Variants in RHBG observed in about 807,000 individuals in gnomAD.
RHBG encodes the protein Rh family B glycoprotein, also known as ammonium transporter Rh type B.
In RHBG, 39 loss-of-function variants were observed where a neutral mutation model predicts 40.1. The ratio of observed to expected loss-of-function variants is 0.97; its 90% CI spans 0.75 to 1.27. The LOEUF is 1.27. Among genes scored for constraint, RHBG ranks in the 50% most tolerant of loss-of-function variants. The pLI is 0.00. For missense variants in RHBG, 549 were observed against 588.1 expected (o/e 0.93, Z 0.69); for synonymous variants, 237 against 252.5 (o/e 0.94, Z 0.58).
At chr1:156,371,515 C>A (rs539289677) in intron 1 of RHBG, 6 of 183,322 alleles carry the variant, frequency 3.3e-5, no homozygotes, top group Admixed American at 2.8e-4. Flanking sequence ...CCACCTCACC[C>A]TGTTCTAGAC....
chr1:156,382,219 C>T lies in RHBG; in HGVS notation c.1112+18C>T. 6.2e-7 allele frequency: 1 copy of T among 1,614,118 alleles called. No homozygotes were observed. Among genetic ancestry groups the T allele is most frequent in the Non-Finnish European group, 8.5e-7 (1 of 1,180,014 alleles). On this transcript the variant is annotated intron_variant, in intron 7 of 9. Coordinates refer to ENST00000537040, the MANE Select transcript of RHBG (RefSeq NM_020407.5). ...GGAGATGGGTGAGTTTCCTCCCAAC[C>T]CGTACTGCAGTCGTCATCCATCTGG...
rs1298817576 is a variant in RHBG, at chr1:156,369,423, C to T, written c.174C>T (p.Tyr58=). 2 of 1,612,336 alleles carry T rather than the reference C, an allele frequency of 1.2e-6. No homozygotes were observed. Among genetic ancestry groups the T allele is most frequent in the Non-Finnish European group, 1.7e-6 (2 of 1,179,226 alleles). The change falls in exon 1 of 10, where the codon TAC becomes TAT. Residue 58 remains tyrosine (Y), a synonymous_variant. Coordinates refer to ENST00000537040, the MANE Select transcript of RHBG (RefSeq NM_020407.5). ...SNHSNADNEF[Y]FRYPSFQDVH... is the part of the protein sequence containing the mutation. ...ACAGTAACGCGGACAATGAATTTTA[C>T]TTTCGCTACCCAAGTGAGTGCGGGG...
At position 156,377,201 on chromosome 1, in the gene RHBG, T is replaced by G; in HGVS notation, c.188-100T>G. 1 of 1,345,554 alleles carries G rather than the reference T, an allele frequency of 7.4e-7. No homozygotes were observed. The highest frequency in any genetic ancestry group is 1.3e-5 in the South Asian group (1 of 76,822). The allele number at this position is 1,345,554 out of a possible 1,614,324, so 83.4% of individuals were successfully genotyped here. ...TTATAGGCTCGGCTCAAGGCAGCCC[T>G]GGCTGGTGAGAGCCAGGGGCACTGG... On this transcript the variant is annotated intron_variant, in intron 1 of 9. Coordinates refer to ENST00000537040, the MANE Select transcript of RHBG (RefSeq NM_020407.5). The surrounding 1 kb of genome is among the most constrained non-coding windows in gnomAD (Gnocchi z 4.6).
intron 4 of RHBG, among the ~76,000 whole-genome samples, chr1:156,379,769 C>A (rs1667488508): frequency 6.6e-6 from 1 of 152,200 alleles, no homozygotes; most frequent in Admixed American, 6.5e-5. Flanking sequence ...ACAGACTACT[C>A]AGGACACGGT....
At chr1:156,381,317 TCTCA>T (rs761878811) in intron 4 of RHBG, 26 bp from the exon 5 acceptor site, 11 of 1,612,666 alleles carry the variant, frequency 6.8e-6, no homozygotes, top group African/African-American at 1.3e-5. Context: ...ACTTCCTTCT[TCTCA>T]CTCTGCCTGT....
intron 1 of RHBG, among the ~76,000 whole-genome samples, chr1:156,373,621 G>A (rs1666997605): frequency 6.6e-6 from 1 of 152,174 alleles, no homozygotes; most frequent in South Asian, 2.1e-4. Context: ...CAGAGAAGGA[G>A]ATTTCTTGAT....
At position 156,382,764 on chromosome 1, in the gene RHBG, C is replaced by G. The variant is rs1314931889; in HGVS notation, c.1129C>G (p.Pro377Ala). The stretch of plus-strand genomic sequence containing the variant: ...TCCCTGCAGCCTGGAGAGTGTGTTT[C>G]CACTCATAGCCGAGGGCCAGCGCAG... The part of the protein sequence containing the change: ...AYGDGLESVF[P>A]LIAEGQRSAT... Residue 377 changes from proline (P) to alanine (A), a missense_variant, in exon 8 of 10, where the codon CCA becomes GCA. Pro to Ala is a conservative substitution (Grantham distance 27). Coordinates refer to ENST00000537040, the MANE Select transcript of RHBG (RefSeq NM_020407.5). 1 of 1,614,182 alleles carries G rather than the reference C, an allele frequency of 6.2e-7. No homozygotes were observed. Among genetic ancestry groups the G allele is most frequent in the East Asian group, 2.2e-5 (1 of 44,868 alleles).
At chr1:156,381,746 G>A in intron 5 of RHBG, 60 bp from the exon 6 acceptor site, 1 of 1,543,266 alleles carries the variant, frequency 6.5e-7, no homozygotes, top group Non-Finnish European at 8.7e-7. Context: ...GGTGTGTAGG[G>A]TTGGGTTGCT....
At chr1:156,373,213 G>A (rs964591395) in intron 1 of RHBG, among the ~76,000 whole-genome samples, 2 of 152,134 alleles carry the variant, frequency 1.3e-5, no homozygotes, top group African/African-American at 4.8e-5. Flanking sequence ...CTTGAAGCCA[G>A]GAGTTTGAGG....
intron 1 of RHBG, among the ~76,000 whole-genome samples, chr1:156,372,961 T>C (rs1364413036): frequency 6.6e-6 from 1 of 152,148 alleles, no homozygotes; most frequent in Non-Finnish European, 1.5e-5. Context: ...CCGGCCAGAC[T>C]TAGAATTTAA....
At position 156,384,817 on chromosome 1, in the gene RHBG, G is replaced by A. The variant is rs1454014552; in HGVS notation, c.1349G>A (p.Arg450Lys). The part of the protein sequence containing the change: ...EHEDKAQRPL[R>K]VEEADTQA Reference sequence around the variant, plus strand: ...GAGGATAAAGCCCAGAGACCTCTGAGGGTGGAGGAGGCAGACACTCAGGCC... The same window carrying A: ...GAGGATAAAGCCCAGAGACCTCTGAAGGTGGAGGAGGCAGACACTCAGGCC... The change falls in exon 10 of 10, where the codon AGG becomes AAG. Residue 450 changes from arginine (R) to lysine (K), a missense_variant. By Grantham distance (26) the Arg-to-Lys change is conservative. Transcript: ENST00000537040. 1 of 1,613,576 alleles carries A rather than the reference G, an allele frequency of 6.2e-7. No homozygotes were observed. The highest frequency in any genetic ancestry group is 2.2e-5 in the East Asian group (1 of 44,884).
At position 156,384,849 on chromosome 1, in the gene RHBG, A is replaced by G. The variant is rs1220498743; in HGVS notation, c.*4A>G. ...GGAGGCAGACACTCAGGCCTAACCC[A>G]CTGCCAGCCCCTGAGAGGACACGCT... On this transcript the variant is annotated 3_prime_UTR_variant, in exon 10 of 10. Transcript: ENST00000537040. The G allele has an allele frequency of 6.3e-7, 1 of 1,594,570 alleles. No individual in the cohort carries two copies. The highest frequency in any genetic ancestry group is 8.6e-7 in the Non-Finnish European group (1 of 1,163,830).
In RHBG at chr1:156,378,417, C is replaced by G; in HGVS notation, c.673+18C>G. Reference sequence around the variant, plus strand: ...CATGATTGGTGAGGCCTTCGAGGTGCGGTAGCAGGGCAGGGGGCTGGTCTG... The same window carrying G: ...CATGATTGGTGAGGCCTTCGAGGTGGGGTAGCAGGGCAGGGGGCTGGTCTG... On this transcript the variant is annotated intron_variant, in intron 4 of 9. Transcript: ENST00000537040. 1.3e-6 allele frequency: 2 copies of G among 1,574,636 alleles called. No homozygotes were observed.
In RHBG at chr1:156,382,204, G is replaced by A. The variant is rs1397256739; in HGVS notation, c.1112+3G>A. On this transcript the variant is annotated splice_donor_region_variant and intron_variant, in intron 7 of 9. Coordinates refer to ENST00000537040, the MANE Select transcript of RHBG (RefSeq NM_020407.5). The stretch of plus-strand genomic sequence containing the variant: ...ACCCATGAAGCTTACGGAGATGGGT[G>A]AGTTTCCTCCCAACCCGTACTGCAG... 6.2e-7 allele frequency: 1 copy of A among 1,614,134 alleles called. No homozygotes were observed. Among genetic ancestry groups the A allele is most frequent in the Admixed American group, 1.7e-5 (1 of 60,024 alleles).
At chr1:156,372,360 C>T (rs1418465161) in intron 1 of RHBG, among the ~76,000 whole-genome samples, 2 of 150,568 alleles carry the variant, frequency 1.3e-5, no homozygotes, top group Non-Finnish European at 1.5e-5. Context: ...CTACAAGCCT[C>T]TTCTTCCAGA....
rs1162996059 is a variant in RHBG, at chr1:156,377,725, G to A, written c.374+238G>A. ...CCCTTGTTCCCCAAGAGCTGTGGAAGGGTAGACAGCTCTGGTTCTTCCACC... is the reference window on the plus strand; with the variant it reads ...CCCTTGTTCCCCAAGAGCTGTGGAAAGGTAGACAGCTCTGGTTCTTCCACC... On this transcript the variant is annotated intron_variant, in intron 2 of 9. Coordinates refer to ENST00000537040, the MANE Select transcript of RHBG (RefSeq NM_020407.5). The surrounding 1 kb of genome is among the most constrained non-coding windows in gnomAD (Gnocchi z 4.6). Among the ~76,000 whole-genome samples the A allele has an allele frequency of 1.3e-5, 2 of 152,200 alleles. No homozygotes were observed. The highest frequency in any genetic ancestry group is 2.1e-4 in the South Asian group (1 of 4,830).
In RHBG at chr1:156,369,414, T is replaced by A; in HGVS notation, c.165T>A (p.Asn55Lys). ...GGAGCAACCACAGTAACGCGGACAATGAATTTTACTTTCGCTACCCAAGTG... is the reference window on the plus strand; with the variant it reads ...GGAGCAACCACAGTAACGCGGACAAAGAATTTTACTTTCGCTACCCAAGTG... ...WHRSNHSNAD[N>K]EFYFRYPSFQ... The change falls in exon 1 of 10, where the codon AAT becomes AAA. Residue 55 changes from asparagine to lysine, a missense_variant. By Grantham distance (94) the Asn-to-Lys change is moderately conservative. This residue lies in a region of RHBG where 99 missense variants were observed against 85.2 expected (regional missense o/e 1.16). Transcript: ENST00000537040. 1 of 1,613,146 alleles carries A rather than the reference T, an allele frequency of 6.2e-7. No homozygotes were observed. The highest frequency in any genetic ancestry group is 8.5e-7 in the Non-Finnish European group (1 of 1,179,608).
At chr1:156,381,778 G>T (rs1352590869) in intron 5 of RHBG, 28 bp from the exon 6 acceptor site, 2 of 1,566,398 alleles carry the variant, frequency 1.3e-6, no homozygotes, top group East Asian at 2.2e-5. Context: ...AATCTGAAAG[G>T]GCCTCCAACA....
In RHBG at chr1:156,384,777, GT is replaced by G; in HGVS notation, c.1310del (p.Val437GlyfsTer13). ...QHYEDQVHWQ[V>X]PGEHEDKAQR... ...ACCTCTACCCACTCCTGCCTTCCAG[GT>G]GCCTGGCGAGCATGAGGATAAAGCC... On this transcript the variant is annotated frameshift_variant and splice_region_variant, in exon 10 of 10. Coordinates refer to ENST00000537040, the MANE Select transcript of RHBG (RefSeq NM_020407.5). LOFTEE classifies it low-confidence loss of function (END_TRUNC). 1 of 1,614,006 alleles carries G rather than the reference GT, an allele frequency of 6.2e-7. No individual in the cohort carries two copies. The highest frequency in any genetic ancestry group is 8.5e-7 in the Non-Finnish European group (1 of 1,179,962).
Sources: gnomAD v4.1 joint callset for allele counts (sites outside exome capture counted in the v4.1 genomes callset) on GRCh38, gnomAD v4.1.1 for gene constraint, gnomAD v4.1.1 regional missense constraint, Gnocchi (gnomAD v3.1) non-coding constraint, MANE v1.5 for transcripts, NCBI Gene and HGNC (gene_info 2026-07-23, HGNC 2026-07-21) for gene names.